The following PPFIBP2 variants were observed in gnomAD, a reference collection of about 807,000 sequenced individuals.
PPFIBP2 encodes the protein PPFIB scaffold protein 2, also known as liprin-beta-2.
PPFIBP2 carries 118 observed loss-of-function variants against 118.3 expected under a neutral mutation model. The ratio of observed to expected loss-of-function variants is 1.00; its 90% CI spans 0.86 to 1.16. The LOEUF (loss-of-function observed/expected upper bound fraction) is 1.16. PPFIBP2 is among the 50% of genes most tolerant of loss of function. The pLI is 0.00. For synonymous variants in PPFIBP2, 414 were observed against 397.4 expected, an observed-to-expected ratio of 1.04 and a Z score of -0.50; for missense variants, 1,195 against 1,073.1, an observed-to-expected ratio of 1.11 and a Z score of -1.59.
chr11:7,587,320 C>T (rs796580587), intron 3 of PPFIBP2, among the ~76,000 whole-genome samples: 8 of 152,306 alleles, frequency 5.3e-5, no homozygotes, highest in African/African-American at 1.9e-4. Context: ...ACTGACAGCC[C>T]TGTCTTAAAA....
In PPFIBP2 at chr11:7,549,483, C is replaced by G. The variant is rs868073620; in HGVS notation, c.8C>G (p.Ser3Cys). The G allele has an allele frequency of 5.8e-6, 9 of 1,561,262 alleles. No homozygotes were observed. In the Admixed American group the frequency reaches 1.7e-4, roughly 30 times the overall value. ...AGGCAGGCAAAAGGAGTCATGGCTTCTGATGCTAGTCATGCGCTGGAAGCT... is the reference window on the plus strand; with the variant it reads ...AGGCAGGCAAAAGGAGTCATGGCTTGTGATGCTAGTCATGCGCTGGAAGCT... MA[S>C]DASHALEAAL... is the part of the protein sequence containing the mutation. Residue 3 changes from serine (S) to cysteine (C), a missense_variant, in exon 2 of 24, where the codon TCT (serine) becomes TGT (cysteine). Coordinates refer to ENST00000299492, the MANE Select transcript of PPFIBP2 (RefSeq NM_003621.5).
At chr11:7,551,267 C>T (rs555485295) in intron 2 of PPFIBP2, among the ~76,000 whole-genome samples, 1 of 152,262 alleles carries the variant, frequency 6.6e-6, no homozygotes, top group East Asian at 1.9e-4. Context: ...CTGAGGCAGT[C>T]ATCACTTCAG....
chr11:7,592,317 T>C (rs142215020), intron 3 of PPFIBP2, among the ~76,000 whole-genome samples: 1 of 152,116 alleles, frequency 6.6e-6, no homozygotes, highest in Non-Finnish European at 1.5e-5. Context: ...TGACACCTCC[T>C]TTCTCTGCTT....
At chr11:7,621,278 A>G (rs80061616) in intron 7 of PPFIBP2, among the ~76,000 whole-genome samples, 1,620 of 152,308 alleles carry the variant, frequency 0.011, 27 homozygotes, top group African/African-American at 0.036. Context: ...TGCACCCCAT[A>G]GCACCTGGCT....
At chr11:7,516,690 T>G (rs2134216704) in intron 1 of PPFIBP2, among the ~76,000 whole-genome samples, 1 of 152,268 alleles carries the variant, frequency 6.6e-6, no homozygotes, top group South Asian at 2.1e-4. Flanking sequence ...CAGTCTGATG[T>G]AACTTCTGCA....
chr11:7,636,872 A>G (rs531017215), intron 14 of PPFIBP2, among the ~76,000 whole-genome samples: 27 of 152,302 alleles, frequency 1.8e-4, no homozygotes, highest in South Asian at 1.0e-3. Flanking sequence ...CAGAATAGCT[A>G]CACAGGTGCA....
chr11:7,546,507 T>C (rs1852345301), intron 1 of PPFIBP2, among the ~76,000 whole-genome samples: 3 of 152,176 alleles, frequency 2.0e-5, no homozygotes, highest in Admixed American at 1.3e-4. Context: ...GCCTGGGCCC[T>C]CTGGGTTTGA....
intron 6 of PPFIBP2, among the ~76,000 whole-genome samples, chr11:7,611,052 T>C (rs1188371058): frequency 4.6e-5 from 7 of 152,262 alleles, no homozygotes; most frequent in African/African-American, 1.7e-4. Context: ...GTTTTAACCT[T>C]AGATAACCGT....
intron 3 of PPFIBP2, among the ~76,000 whole-genome samples, chr11:7,586,914 T>C (rs569871348): frequency 6.6e-6 from 1 of 152,320 alleles, no homozygotes; most frequent in African/African-American, 2.4e-5. Flanking sequence ...TCTTAAACAG[T>C]TGTTAGATCT....
chr11:7,657,878 A>C (rs1854795037), downstream of PPFIBP2, among the ~76,000 whole-genome samples: 1 of 152,054 alleles, frequency 6.6e-6, no homozygotes, highest in South Asian at 2.1e-4. Flanking sequence ...CTCACCACAA[A>C]CTTGGAGCAC....
At chr11:7,590,828 T>C (rs537235339) in intron 3 of PPFIBP2, among the ~76,000 whole-genome samples, 1 of 152,364 alleles carries the variant, frequency 6.6e-6, no homozygotes, top group South Asian at 2.1e-4. Flanking sequence ...TCTACTGGGC[T>C]CTGTTTACTA....
At chr11:7,655,611 T>C, downstream of PPFIBP2, 2 of 876,452 alleles carry the variant, frequency 2.3e-6, no homozygotes, top group Admixed American at 4.8e-5. Flanking sequence ...GAATGGTGCT[T>C]AGTGCTGGGG....
intron 1 of PPFIBP2, among the ~76,000 whole-genome samples, chr11:7,517,902 C>T (rs573722091): frequency 1.2e-3 from 189 of 152,254 alleles, no homozygotes; most frequent in African/African-American, 3.6e-3. Flanking sequence ...CTGCAGGGGC[C>T]GCTCATAGTC....
chr11:7,631,355 C>G, intron 11 of PPFIBP2: 1 of 229,586 alleles, frequency 4.4e-6, no homozygotes, highest in East Asian at 8.9e-5. Flanking sequence ...TTATCTACCA[C>G]CCTTTCTCCA....
In PPFIBP2 at chr11:7,542,538, G is replaced by C. The variant is rs141873559; in HGVS notation, c.-36-6902G>C. On this transcript the variant is annotated intron_variant, in intron 1 of 23. Transcript: ENST00000299492. ...CAGATGCAGCTGCTTAATTTTTTTA[G>C]TCATGTATTTTTATCCGTATCTCTA... is the stretch of plus-strand genomic sequence containing the variant. 5.9e-5 allele frequency among the ~76,000 whole-genome samples: 9 copies of C among 152,142 alleles called. No homozygotes were observed. The East Asian group carries it at 1.5e-3, about 26-fold the overall frequency.
At chr11:7,597,174 C>G (rs979976835) in intron 4 of PPFIBP2, 11 of 1,464,908 alleles carry the variant, frequency 7.5e-6, no homozygotes, top group Non-Finnish European at 9.9e-6. Context: ...TTGGACCGCT[C>G]TTCCACACGA....
At chr11:7,665,939 C>A in the PPFIBP2 span, 1 of 1,535,450 alleles carries the variant, frequency 6.5e-7, no homozygotes, top group Non-Finnish European at 8.7e-7. Context: ...CGACCAGGGA[C>A]CTGTATGACA....
At chr11:7,624,060 A>G (rs1157946509) in intron 7 of PPFIBP2, among the ~76,000 whole-genome samples, 1 of 152,162 alleles carries the variant, frequency 6.6e-6, no homozygotes, top group Non-Finnish European at 1.5e-5. Context: ...ACCCCTTGTC[A>G]TCTCTTTATA....
At chr11:7,535,683 C>G (rs1035917555) in intron 1 of PPFIBP2, among the ~76,000 whole-genome samples, 1 of 152,216 alleles carries the variant, frequency 6.6e-6, no homozygotes, top group South Asian at 2.1e-4. Flanking sequence ...ATTTTCGGGC[C>G]GGCTCCAATT....
Sources: gnomAD v4.1 joint callset for allele counts (sites outside exome capture counted in the v4.1 genomes callset) on GRCh38, gnomAD v4.1.1 for gene constraint, MANE v1.5 for transcripts, NCBI Gene and HGNC (gene_info 2026-07-23, HGNC 2026-07-21) for gene names.